LIN52: variants seen among roughly 807,000 people sequenced by gnomAD.
LIN52 encodes the protein protein lin-52 homolog.
LIN52 carries 4 observed loss-of-function variants against 18.5 expected under a neutral mutation model. That is an observed-to-expected ratio of 0.22 (90% confidence interval 0.11 to 0.49). The LOEUF is 0.49. LIN52 is among the 20% of genes least tolerant of loss of function. The pLI, the probability that LIN52 is intolerant of heterozygous loss-of-function variation, is 0.97. For missense variants in LIN52, 102 were observed against 139.5 expected (o/e 0.73, Z 1.35); for synonymous variants, 34 against 45.5 (o/e 0.75, Z 1.02).
intron 5 of LIN52, among the ~76,000 whole-genome samples, chr14:74,184,965 T>A (rs1450557275): frequency 6.6e-6 from 1 of 152,000 alleles, no homozygotes; most frequent in Non-Finnish European, 1.5e-5. Context: ...TTTTTTCTTA[T>A]TTTTTGTTAG....
At position 74,091,236 on chromosome 14, in the gene LIN52, A is replaced by G; in HGVS notation, c.24A>G (p.Thr8=). 6.2e-7 allele frequency: 1 copy of G among 1,608,138 alleles called. No homozygotes were observed. Among genetic ancestry groups the G allele is most frequent in the Admixed American group, 1.7e-5 (1 of 59,936 alleles). ...CATCTGGATGTTTTGTTCTAGGGAC[A>G]GATCTGGAAGCATCTTTGCTAAGTT... MASPTDG[T]DLEASLLSFE... is the part of the protein sequence containing the mutation. The change falls in exon 2 of 6, where the codon ACA becomes ACG. Residue 8 remains threonine (T), a synonymous_variant. Coordinates refer to ENST00000555028, the MANE Select transcript of LIN52 (RefSeq NM_001024674.3).
chr14:74,130,637 C>G (rs1223860703), intron 5 of LIN52, among the ~76,000 whole-genome samples: 1 of 142,302 alleles, frequency 7.0e-6, no homozygotes, highest in Non-Finnish European at 1.5e-5. Flanking sequence ...CTCTGTCACC[C>G]AGGCTGGAGT....
At chr14:74,140,532 C>CA (rs2061123818) in intron 5 of LIN52, among the ~76,000 whole-genome samples, 1 of 152,144 alleles carries the variant, frequency 6.6e-6, no homozygotes, top group African/African-American at 2.4e-5. Flanking sequence ...TGTTAGAAAT[C>CA]AAATGACCCT....
At chr14:74,118,932 A>G (rs776867570) in intron 5 of LIN52, among the ~76,000 whole-genome samples, 6 of 148,150 alleles carry the variant, frequency 4.0e-5, no homozygotes, top group African/African-American at 1.3e-4. Flanking sequence ...AACAAATCAC[A>G]TACTCTTTTG....
intron 5 of LIN52, among the ~76,000 whole-genome samples, chr14:74,166,040 C>T (rs1019538765): frequency 8.6e-5 from 13 of 151,162 alleles, no homozygotes; most frequent in South Asian, 2.1e-4. Flanking sequence ...TACAGGCATG[C>T]GCCACCATTC....
Position 74,101,358 on chromosome 14 carries a change from A to G in LIN52, c.283+120A>G, listed in dbSNP as rs1380490034. ...TAATTCAGAAAGTATATTAGGGAAA[A>G]GAGAAGCATTCTGAAGGTAAGAAGT... On this transcript the variant is annotated intron_variant, in intron 5 of 5. Transcript: ENST00000555028. 5.2e-6 allele frequency: 3 copies of G among 579,008 alleles called. No homozygotes were observed. In the African/African-American group the frequency reaches 5.9e-5, roughly 11 times the overall value. The allele number at this position is 579,008 out of a possible 1,614,324, so 35.9% of individuals were successfully genotyped here.
intron 5 of LIN52, among the ~76,000 whole-genome samples, chr14:74,176,992 G>A (rs1856750524): frequency 1.3e-5 from 2 of 150,724 alleles, no homozygotes; most frequent in Admixed American, 6.6e-5. Flanking sequence ...GGACATTTGG[G>A]TTGTTTCCAC....
At chr14:74,124,859 G>T (rs2061020036) in intron 5 of LIN52, among the ~76,000 whole-genome samples, 1 of 145,508 alleles carries the variant, frequency 6.9e-6, no homozygotes, top group Non-Finnish European at 1.5e-5. Flanking sequence ...ATAAAGAAGT[G>T]ACCATGGGTT....
At chr14:74,185,044 G>T (rs2139589401) in intron 5 of LIN52, among the ~76,000 whole-genome samples, 2 of 151,862 alleles carry the variant, frequency 1.3e-5, no homozygotes, top group East Asian at 3.9e-4. Context: ...GATATCCCTG[G>T]TTCACTTACT....
intron 5 of LIN52, among the ~76,000 whole-genome samples, chr14:74,126,245 G>C (rs1309310314): frequency 6.6e-6 from 1 of 152,132 alleles, no homozygotes; most frequent in Non-Finnish European, 1.5e-5. Context: ...AACAGGTATT[G>C]GCAAGGATAT....
intron 5 of LIN52, among the ~76,000 whole-genome samples, chr14:74,121,413 T>C (rs1384518583): frequency 6.6e-6 from 1 of 152,254 alleles, no homozygotes; most frequent in Admixed American, 6.5e-5. Flanking sequence ...ATGCAAGTTT[T>C]AATGACTAAT....
At chr14:74,160,500 T>C (rs1342313775) in intron 5 of LIN52, among the ~76,000 whole-genome samples, 2 of 152,202 alleles carry the variant, frequency 1.3e-5, no homozygotes, top group African/African-American at 4.8e-5. Context: ...TCCATATGCA[T>C]ATGGAGATTT....
At chr14:74,094,100 T>A (rs746831032) in intron 2 of LIN52, among the ~76,000 whole-genome samples, 2 of 152,282 alleles carry the variant, frequency 1.3e-5, no homozygotes, top group Middle Eastern at 3.4e-3. Flanking sequence ...TGGAGTCATA[T>A]GCATGTGGCC....
intron 5 of LIN52, among the ~76,000 whole-genome samples, chr14:74,183,622 A>G (rs1278168465): frequency 6.6e-6 from 1 of 152,182 alleles, no homozygotes; most frequent in Non-Finnish European, 1.5e-5. Flanking sequence ...TAAGCTAACT[A>G]AAGTACAGAG....
intron 5 of LIN52, among the ~76,000 whole-genome samples, chr14:74,119,224 CCA>C: frequency 6.8e-6 from 1 of 148,118 alleles, no homozygotes; most frequent in African/African-American, 2.5e-5. Context: ...TGCAGTGGCA[CCA>C]TCTTGGCTCA....
At chr14:74,192,434 T>C (rs1595194051) in intron 5 of LIN52, among the ~76,000 whole-genome samples, 1 of 152,030 alleles carries the variant, frequency 6.6e-6, no homozygotes, top group East Asian at 1.9e-4. Context: ...TACAGGCACA[T>C]GCCCCCACGC....
intron 5 of LIN52, among the ~76,000 whole-genome samples, chr14:74,144,877 T>A (rs192113521): frequency 1.3e-5 from 2 of 152,338 alleles, no homozygotes; most frequent in African/African-American, 4.8e-5. Flanking sequence ...GTCTGAATCT[T>A]CAAACTCAAC....
chr14:74,155,255 A>G (rs1462876118), intron 5 of LIN52, among the ~76,000 whole-genome samples: 3 of 152,238 alleles, frequency 2.0e-5, no homozygotes, highest in Non-Finnish European at 2.9e-5. Flanking sequence ...ACATTTCCAT[A>G]AATAAATTAG....
chr14:74,114,514 A>G, intron 5 of LIN52: 1 of 746,756 alleles, frequency 1.3e-6, no homozygotes, highest in Non-Finnish European at 1.6e-6. Flanking sequence ...ATGTTACGGG[A>G]TAAGCTGAAA....
Sources: allele counts gnomAD v4.1 joint callset (sites outside exome capture counted in the v4.1 genomes callset), GRCh38; gene constraint gnomAD v4.1.1; transcripts MANE v1.5; gene names NCBI Gene and HGNC (gene_info 2026-07-23, HGNC 2026-07-21).